Variants in RARB observed in about 807,000 individuals in gnomAD.
The protein encoded by RARB is retinoic acid receptor beta, also known as HBV-activated protein.
RARB carries 17 observed loss-of-function variants against 51.9 expected under a neutral mutation model. The ratio of observed to expected loss-of-function variants is 0.33; its 90% CI spans 0.22 to 0.49. The LOEUF is 0.49. Among genes scored for constraint, RARB ranks in the 20% least tolerant of loss-of-function variants. The pLI is 0.99. For missense variants in RARB, 369 were observed against 550.8 expected, an observed-to-expected ratio of 0.67 and a Z score of 3.30; for synonymous variants, 215 against 195.4, an observed-to-expected ratio of 1.10 and a Z score of -0.84.
chr3:25,548,158 T>A (rs1699696732), intron 3 of RARB, among the ~76,000 whole-genome samples: 1 of 150,936 alleles, frequency 6.6e-6, no homozygotes, highest in Admixed American at 6.6e-5. Flanking sequence ...ATGAAGTAAT[T>A]GGAGTGAGTG....
intron 2 of RARB, among the ~76,000 whole-genome samples, chr3:24,885,430 G>A (rs1703248964): frequency 6.6e-6 from 1 of 152,172 alleles, no homozygotes; most frequent in Non-Finnish European, 1.5e-5. Context: ...TAATGTTGCT[G>A]TAAACCTTGA....
intron 5 of RARB, among the ~76,000 whole-genome samples, chr3:25,282,480 C>CTTAG: frequency 6.6e-6 from 1 of 152,078 alleles, no homozygotes; most frequent in South Asian, 2.1e-4. Context: ...TTTCATAGCA[C>CTTAG]TTTTTATGAT....
rs1204877043 is a variant in RARB at position 25,037,150 on chromosome 3, G to A, written c.-379-22975G>A. Among the ~76,000 whole-genome samples the A allele has an allele frequency of 3.3e-5, 5 of 152,178 alleles. No individual in the cohort carries two copies. The South Asian group carries it at 6.2e-4, about 19-fold the overall frequency. On this transcript the variant is annotated intron_variant, in intron 2 of 11. Coordinates refer to the RARB transcript ENST00000383772. Reference sequence around the variant, plus strand: ...CATTTGGCTTCAGATTGTTTGGACTGTAGAGTGTCAGTATAAATAGCTCTG... The same window carrying A: ...CATTTGGCTTCAGATTGTTTGGACTATAGAGTGTCAGTATAAATAGCTCTG...
Position 25,428,904 on chromosome 3 carries a change from T to C in RARB, c.157+16T>C, listed in dbSNP as rs1259746782. On this transcript the variant is annotated intron_variant, in intron 1 of 7. Coordinates refer to ENST00000330688, the MANE Select transcript of RARB (RefSeq NM_000965.5). ...ACTGCTCAATGTAGGTTTATTTTTT[T>C]CCCTTCTTCTACCAAGAAAAAAAAA... is the stretch of plus-strand genomic sequence containing the variant. 1.3e-6 allele frequency: 2 copies of C among 1,580,220 alleles called. No individual in the cohort carries two copies. Among genetic ancestry groups the C allele is most frequent in the Non-Finnish European group, 1.7e-6 (2 of 1,157,930 alleles).
chr3:25,034,440 G>A (rs1697940192), intron 2 of RARB, among the ~76,000 whole-genome samples: 1 of 152,192 alleles, frequency 6.6e-6, no homozygotes, highest in Non-Finnish European at 1.5e-5. Flanking sequence ...CATAGTAGGT[G>A]CAAATAAAGG....
At chr3:25,326,861 T>C (rs534786532) in intron 5 of RARB, among the ~76,000 whole-genome samples, 3 of 152,040 alleles carry the variant, frequency 2.0e-5, no homozygotes, top group Non-Finnish European at 4.4e-5. Context: ...TATTATACTT[T>C]AACTTTTAGG....
chr3:25,259,168 A>G (rs1702938421), intron 5 of RARB: 1 of 753,968 alleles, frequency 1.3e-6, no homozygotes, highest in Non-Finnish European at 1.6e-6. Flanking sequence ...TAGATATGGT[A>G]AAGTAGAGCA....
chr3:24,981,843 G>A (rs1696681649), intron 2 of RARB, among the ~76,000 whole-genome samples: 1 of 152,166 alleles, frequency 6.6e-6, no homozygotes, highest in South Asian at 2.1e-4. Flanking sequence ...AGTTGGAAAT[G>A]CAGAAATCAC....
intron 5 of RARB, among the ~76,000 whole-genome samples, chr3:25,351,914 G>A (rs1313601141): frequency 6.6e-6 from 1 of 152,202 alleles, no homozygotes; most frequent in African/African-American, 2.4e-5. Flanking sequence ...CTTCAAAGAT[G>A]CTATAGCTGT....
intron 3 of RARB, among the ~76,000 whole-genome samples, chr3:25,550,335 G>A (rs1460686935): frequency 1.3e-5 from 2 of 152,136 alleles, no homozygotes; most frequent in Non-Finnish European, 2.9e-5. Context: ...CCATAGACTA[G>A]GTGGCTTATA....
At chr3:25,458,212 A>T (rs548086960) in intron 1 of RARB, 2 of 152,352 alleles carry the variant, frequency 1.3e-5, no homozygotes, top group Admixed American at 1.3e-4. Flanking sequence ...TCACAATGGA[A>T]TGTTTTCTGT....
At chr3:25,141,277 C>T (rs1400263985) in intron 4 of RARB, among the ~76,000 whole-genome samples, 1 of 152,012 alleles carries the variant, frequency 6.6e-6, no homozygotes, top group African/African-American at 2.4e-5. Context: ...GACAAACATA[C>T]ATTCTACCAC....
chr3:25,232,822 G>A (rs1194120534), intron 5 of RARB, among the ~76,000 whole-genome samples: 9 of 151,976 alleles, frequency 5.9e-5, no homozygotes, highest in African/African-American at 1.7e-4. Context: ...AATTACATGA[G>A]ATATTCAACA....
intron 2 of RARB, among the ~76,000 whole-genome samples, chr3:24,899,924 C>CTTTTTTTTTTTT (rs5847324): frequency 6.6e-6 from 1 of 150,904 alleles, no homozygotes; most frequent in Non-Finnish European, 1.5e-5. Context: ...ATTGGGATTT[C>CTTTTTTTTTTTT]TTTTTTTTTG....
chr3:25,467,756 G>A (rs1159164982), intron 2 of RARB, among the ~76,000 whole-genome samples: 1 of 152,144 alleles, frequency 6.6e-6, no homozygotes, highest in Admixed American at 6.6e-5. Context: ...AGTTTGATGG[G>A]CAAGTCTCTT....
chr3:25,301,452 T>G (rs948489866), intron 5 of RARB, among the ~76,000 whole-genome samples: 11 of 151,468 alleles, frequency 7.3e-5, no homozygotes, highest in Non-Finnish European at 1.2e-4. Context: ...GATATAACCA[T>G]GGCTACCTTC....
chr3:25,133,505 T>A (rs1699984965), intron 4 of RARB, among the ~76,000 whole-genome samples: 1 of 151,980 alleles, frequency 6.6e-6, no homozygotes, highest in Non-Finnish European at 1.5e-5. Flanking sequence ...CAATTTAAGA[T>A]CAGTGACATG....
At chr3:25,481,446 A>G (rs550019735) in intron 2 of RARB, among the ~76,000 whole-genome samples, 2 of 152,290 alleles carry the variant, frequency 1.3e-5, no homozygotes, top group African/African-American at 4.8e-5. Flanking sequence ...CTGGCCAAAT[A>G]TTTTTAAAGC....
chr3:24,894,578 G>A (rs1703443633), intron 2 of RARB, among the ~76,000 whole-genome samples: 1 of 152,066 alleles, frequency 6.6e-6, no homozygotes, highest in South Asian at 2.1e-4. Flanking sequence ...ACAAACATGT[G>A]AGTGCATGTG....
Sources: gnomAD v4.1 joint callset for allele counts (sites outside exome capture counted in the v4.1 genomes callset) on GRCh38, gnomAD v4.1.1 for gene constraint, MANE v1.5 for transcripts, NCBI Gene and HGNC (gene_info 2026-07-23, HGNC 2026-07-21) for gene names.